MED12: variants seen among roughly 807,000 people sequenced by gnomAD.
MED12 encodes the protein mediator of RNA polymerase II transcription subunit 12.
In MED12, 10 loss-of-function variants were observed where a neutral mutation model predicts 177.7. That is an observed-to-expected ratio of 0.06 (90% CI 0.03 to 0.10). The LOEUF is 0.10. Ranked by LOEUF, MED12 falls within the 10% of genes least tolerant of loss-of-function variation. The probability of loss-of-function intolerance (pLI) is 1.00; values close to 1 mark genes in which losing one functional copy is unlikely to be tolerated. For missense variants in MED12, 867 were observed against 1,780.8 expected, an observed-to-expected ratio of 0.49 and a Z score of 9.23; for synonymous variants, 641 against 678.4, an observed-to-expected ratio of 0.94 and a Z score of 0.86.
chrX:71,123,646 C>G lies in MED12; in HGVS notation c.1670C>G (p.Ser557Cys). The G allele has an allele frequency of 8.3e-7, 1 of 1,209,838 alleles. No individual in the cohort carries two copies. Among genetic ancestry groups the G allele is most frequent in the Non-Finnish European group, 1.1e-6 (1 of 894,191 alleles). ...GAGAAGGGTTCCATCGCCTCTGGCT[C>G]CCTTTCTGCTCCCAGTGCTCCCATT... ...ADEKGSIASG[S>C]LSAPSAPIFQ... is the part of the protein sequence containing the mutation. The change falls in exon 12 of 45, where the codon TCC becomes TGC. Residue 557 changes from serine to cysteine, a missense_variant. Coordinates refer to ENST00000374080, the MANE Select transcript of MED12 (RefSeq NM_005120.3).
intron 28 of MED12, among the ~76,000 whole-genome samples, chrX:71,131,272 G>A (rs2092316677): frequency 9.1e-6 from 1 of 110,427 alleles, no homozygotes; most frequent in African/African-American, 3.3e-5. Flanking sequence ...GGGATTACAG[G>A]TCGCCCATCA....
At position 71,132,413 on chromosome X, in the gene MED12, C is replaced by A; in HGVS notation, c.4290C>A (p.Pro1430=). ...GCTCTGGTGTATGGCTGGTGGCCCC[C>A]CTCATTGCTAAACTGCCCACCTCAG... ...LERSGVWLVA[P]LIAKLPTSVQ... The change falls in exon 31 of 45, where the codon CCC becomes CCA. Residue 1430 remains proline, a synonymous_variant. Transcript: ENST00000374080. The A allele has an allele frequency of 8.3e-7, 1 of 1,211,175 alleles. No homozygotes were observed. The highest frequency in any genetic ancestry group is 1.1e-6 in the Non-Finnish European group (1 of 895,290).
chrX:71,120,501 T>G (rs2092286595), intron 4 of MED12, among the ~76,000 whole-genome samples: 1 of 110,544 alleles, frequency 9.0e-6, no homozygotes, highest in African/African-American at 3.3e-5. Context: ...TACTTTCTTA[T>G]GGGGGTACCC....
rs187829695 is a variant in MED12, at chrX:71,119,223, G to C, written c.100-150G>C. 7 of 500,753 alleles carry C rather than the reference G, an allele frequency of 1.4e-5. No individual in the cohort carries two copies. In the East Asian group the frequency reaches 2.6e-4, roughly 18 times the overall value. 41.3% of individuals were successfully genotyped at this position (500,753 alleles called of 1,213,427 possible). A position where few individuals can be genotyped will look rare whatever the true frequency, so the allele number is the denominator to read the frequency against. On this transcript the variant is annotated intron_variant, in intron 1 of 44. Transcript: ENST00000374080. ...GAGTGAGGGTGGGGTCCAAGTGAAC[G>C]TAAGGGCCCAGCTTTAAGTAACGAT...
chrX:71,129,305 G>C lies in MED12; in HGVS notation c.3578-11G>C, dbSNP rs773929139. 1.7e-6 allele frequency: 2 copies of C among 1,191,006 alleles called. No homozygotes were observed. Among genetic ancestry groups the C allele is most frequent in the South Asian group, 3.5e-5 (2 of 56,522 alleles). On this transcript the variant is annotated splice_polypyrimidine_tract_variant and intron_variant, in intron 25 of 44. Coordinates refer to ENST00000374080, the MANE Select transcript of MED12 (RefSeq NM_005120.3). ...TACTTTTGCTTCCCCTGACTTCATC[G>C]CCTTCCCCAGACAAGCCTACAGTAG...
chrX:71,124,791 A>G lies in MED12; in HGVS notation c.2002A>G (p.Ile668Val), dbSNP rs752335726. 1 of 1,210,413 alleles carries G rather than the reference A, an allele frequency of 8.3e-7. No homozygotes were observed. The highest frequency in any genetic ancestry group is 3.0e-5 in the East Asian group (1 of 33,825). Residue 668 changes from isoleucine to valine, a missense_variant, in exon 14 of 45, where the codon ATT becomes GTT. This residue lies in a region of MED12 where 309 missense variants were observed against 556.3 expected (regional missense o/e 0.56). Coordinates refer to ENST00000374080, the MANE Select transcript of MED12 (RefSeq NM_005120.3). Reference sequence around the variant, plus strand: ...TCCAGGGCTCTCAGAATCTATGGACATTGACCCTAGTTCCAGTGTTCTCTT... The same window carrying G: ...TCCAGGGCTCTCAGAATCTATGGACGTTGACCCTAGTTCCAGTGTTCTCTT... The part of the protein sequence containing the change: ...EDPGLSESMD[I>V]DPSSSVLFED...
intron 41 of MED12, among the ~76,000 whole-genome samples, chrX:71,139,177 A>G (rs770224240): frequency 1.8e-5 from 2 of 112,462 alleles, no homozygotes; most frequent in East Asian, 2.8e-4. Context: ...GTTGTATGCT[A>G]TGAGGTAAAA....
rs1226346389 is a variant in MED12, at chrX:71,134,699, G to A, written c.4728-14G>A. The A allele has an allele frequency of 8.3e-7, 1 of 1,210,371 alleles. No homozygotes were observed. Among genetic ancestry groups the A allele is most frequent in the South Asian group, 1.8e-5 (1 of 56,911 alleles). Reference sequence around the variant, plus strand: ...TCTTTCTTCTTTGGTTTTCTCTCTGGCTTCCTGTCTCAGTGAGCTCTTCAC... The same window carrying A: ...TCTTTCTTCTTTGGTTTTCTCTCTGACTTCCTGTCTCAGTGAGCTCTTCAC... On this transcript the variant is annotated splice_polypyrimidine_tract_variant and intron_variant, in intron 34 of 44. Transcript: ENST00000374080.
At chrX:71,120,275 G>C in intron 4 of MED12, 105 bp downstream of exon 4, 4 of 909,484 alleles carry the variant, frequency 4.4e-6, no homozygotes, top group South Asian at 2.0e-5. Context: ...GTTTCTGCTT[G>C]TTTCTTGCAT....
intron 21 of MED12, 35 bp downstream of exon 21, chrX:71,127,502 G>A: frequency 8.5e-7 from 1 of 1,177,399 alleles, no homozygotes; most frequent in Non-Finnish European, 1.1e-6. Context: ...TAGCGAGTGG[G>A]ACCTACTCCC....
chrX:71,142,302 G>C lies in MED12; in HGVS notation c.*84G>C, dbSNP rs2092350337. The C allele has an allele frequency of 2.0e-6, 2 of 1,020,107 alleles. No homozygotes were observed. The highest frequency in any genetic ancestry group is 6.1e-5 in the East Asian group (2 of 32,896). 84.1% of individuals were successfully genotyped at this position (1,020,107 alleles called of 1,213,427 possible). On this transcript the variant is annotated 3_prime_UTR_variant, in exon 45 of 45. Transcript: ENST00000374080. ...CAATCCCATTCCTGGGCTAGCACCA[G>C]TAGTGGTTGGGGCCCTCCCCTCAGG...
rs747305574 is a variant in MED12 at position 71,137,195 on chromosome X, C to T, written c.5560C>T (p.Arg1854Cys). The T allele has an allele frequency of 1.7e-6, 2 of 1,211,658 alleles. No individual in the cohort carries two copies. The highest frequency in any genetic ancestry group is 2.2e-6 in the Non-Finnish European group (2 of 895,355). The stretch of plus-strand genomic sequence containing the variant: ...CCCACTCTCCTTTTCAGGTGGCCCT[C>T]GTGTGGACCCATACCGTCCTGTGCG... ...QNQPLPAGGP[R>C]VDPYRPVRLP... Residue 1854 changes from arginine to cysteine, a missense_variant, in exon 39 of 45, where the codon CGT becomes TGT. Arg to Cys is a radical substitution (Grantham distance 180). Around this residue, in one of 14 missense-constraint regions of MED12, gnomAD observed 236 missense variants for 345.2 expected, o/e 0.68. Coordinates refer to ENST00000374080, the MANE Select transcript of MED12 (RefSeq NM_005120.3).
chrX:71,142,259 C>T lies in MED12; in HGVS notation c.*41C>T, dbSNP rs1336658478. ...TGCTTGTGCACTGGATGTGGCCCCA[C>T]CCTTTCCTCTTAATTCCCAATCCCA... On this transcript the variant is annotated 3_prime_UTR_variant, in exon 45 of 45. Coordinates refer to ENST00000374080, the MANE Select transcript of MED12 (RefSeq NM_005120.3). 1.7e-6 allele frequency: 2 copies of T among 1,183,330 alleles called. No individual in the cohort carries two copies. The highest frequency in any genetic ancestry group is 4.3e-5 in the Admixed American group (2 of 46,077).
chrX:71,128,941 A>T, intron 24 of MED12, 173 bp from the exon 25 acceptor site: 1 of 558,003 alleles, frequency 1.8e-6, no homozygotes, highest in African/African-American at 2.2e-5. Context: ...ACTGCGTAAC[A>T]GTTCTCTGCT....
intron 41 of MED12, among the ~76,000 whole-genome samples, chrX:71,138,580 T>A (rs6525472): frequency 0.15 from 15,537 of 106,894 alleles, 1,086 homozygotes; most frequent in African/African-American, 0.23. Flanking sequence ...CAAAAAAAAA[T>A]TTTTTTTTAA....
intron 7 of MED12, 37 bp from the exon 8 acceptor site, chrX:71,122,163 G>A: frequency 8.3e-7 from 1 of 1,209,424 alleles, no homozygotes; most frequent in Non-Finnish European, 1.1e-6. Context: ...GGGTAACCAT[G>A]GTGAATGAGT....
intron 41 of MED12, 77 bp from the exon 42 acceptor site, chrX:71,140,558 C>T (rs2147837398): frequency 8.3e-7 from 1 of 1,209,415 alleles, no homozygotes. Context: ...TCTTTCAGGT[C>T]AGGGACCCAA....
chrX:71,134,313 C>T, intron 33 of MED12, 44 bp from the exon 34 acceptor site: 1 of 766,677 alleles, frequency 1.3e-6, no homozygotes, highest in Non-Finnish European at 2.0e-6. Flanking sequence ...AAACTCTGGC[C>T]TTTGTCCCTG....
intron 41 of MED12, among the ~76,000 whole-genome samples, 157 bp from the exon 42 acceptor site, chrX:71,140,478 T>C (rs2092344053): frequency 9.0e-6 from 1 of 111,410 alleles, no homozygotes; most frequent in African/African-American, 3.3e-5. Flanking sequence ...TATCATCTTA[T>C]GCAACTTATT....
Sources: allele counts gnomAD v4.1 joint callset (sites outside exome capture counted in the v4.1 genomes callset), GRCh38; gene constraint gnomAD v4.1.1; regional missense constraint gnomAD v4.1.1; transcripts MANE v1.5; gene names NCBI Gene and HGNC (gene_info 2026-07-23, HGNC 2026-07-21).